The following TTC32 variants were observed in gnomAD, a reference collection of about 807,000 sequenced individuals.
TTC32 encodes the protein tetratricopeptide repeat domain 32.
In TTC32, 16 loss-of-function variants were observed where a neutral mutation model predicts 15.3. The observed-to-expected ratio is 1.05, with a 90% confidence interval of 0.71 to 1.59. The LOEUF is 1.59. Among genes scored for constraint, TTC32 ranks in the 40% most tolerant of loss-of-function variants. The pLI is 0.00. For synonymous variants in TTC32, 89 were observed against 67.8 expected (o/e 1.31, Z -1.53); for missense variants, 188 against 181.9 (o/e 1.03, Z -0.19).
intron 1 of TTC32, 35 bp from the exon 2 acceptor site, chr2:19,898,070 T>C (rs1298670071): frequency 1.4e-6 from 2 of 1,456,896 alleles, no homozygotes; most frequent in East Asian, 2.4e-5. Context: ...AAACACCGTG[T>C]TACCAAATTC....
chr2:19,901,527 G>A, intron 1 of TTC32, 179 bp downstream of exon 1: 2 of 769,936 alleles, frequency 2.6e-6, no homozygotes, highest in Non-Finnish European at 1.9e-6. Flanking sequence ...GTTCTCCGCC[G>A]CCCTCGTCCT....
chr2:19,898,987 T>C (rs1669555854), intron 1 of TTC32, among the ~76,000 whole-genome samples: 1 of 152,214 alleles, frequency 6.6e-6, no homozygotes, highest in African/African-American at 2.4e-5. Context: ...TAATACCCCG[T>C]AGTAAAAAGT....
Position 19,901,716 on chromosome 2 carries a change from T to G in TTC32, c.139A>C (p.Ser47Arg), listed in dbSNP as rs746394575. The change falls in exon 1 of 3, where the codon AGT becomes CGT. Residue 47 changes from serine (S) to arginine (R), a missense_variant. Transcript: ENST00000333610. ...TCTCGCGATAGTTACCTCCCGGGAC[T>G]CTCGTCGCTGGAGGCCGCGCAAGCG... The part of the protein sequence containing the change: ...RCACAASSDE[S>R]PGSKCSPEDL... The G allele has an allele frequency of 1.9e-5, 30 of 1,612,322 alleles. No individual in the cohort carries two copies. In the South Asian group the frequency reaches 2.6e-4, roughly 14 times the overall value.
At chr2:19,900,807 A>G (rs966026500) in intron 1 of TTC32, among the ~76,000 whole-genome samples, 3 of 152,258 alleles carry the variant, frequency 2.0e-5, no homozygotes, top group African/African-American at 7.2e-5. Context: ...CAATTGGATC[A>G]AACCTCAAGG....
chr2:19,901,753 G>GT lies in TTC32; in HGVS notation c.101dup (p.Tyr34Ter). The change falls in exon 1 of 3, where the codon TAC (tyrosine) becomes TAAC (stop). Residue 34 changes from tyrosine to a stop codon, truncating the protein, a stop_gained and frameshift_variant. Transcript: ENST00000333610. LOFTEE classifies it high-confidence loss of function. Reference sequence around the variant, plus strand: ...AGGCCGCGCAAGCGCACCGGCGAATGTAAGCGGAGTACAGTGCCTCGGCCT... The same window carrying GT: ...AGGCCGCGCAAGCGCACCGGCGAATGTTAAGCGGAGTACAGTGCCTCGGCCT... ...YAEAEALYSA[Y>*]IRRCACAASS... 1 of 1,613,768 alleles carries GT rather than the reference G, an allele frequency of 6.2e-7. No homozygotes were observed. Among genetic ancestry groups the GT allele is most frequent in the Non-Finnish European group, 8.5e-7 (1 of 1,179,770 alleles).
At chr2:19,899,524 A>G (rs1669567735) in intron 1 of TTC32, among the ~76,000 whole-genome samples, 1 of 152,028 alleles carries the variant, frequency 6.6e-6, no homozygotes, top group African/African-American at 2.4e-5. Context: ...ATTTTGTTTC[A>G]TATTTTAAAG....
At chr2:19,898,114 T>C in intron 1 of TTC32, 79 bp from the exon 2 acceptor site, 6 of 1,330,896 alleles carry the variant, frequency 4.5e-6, no homozygotes, top group Non-Finnish European at 6.0e-6. Flanking sequence ...TTTTGGGTAT[T>C]GTCAAACTTC....
chr2:19,897,797 TACA>T, intron 2 of TTC32, 69 bp downstream of exon 2: 34 of 1,256,326 alleles, frequency 2.7e-5, no homozygotes, highest in Non-Finnish European at 3.6e-5. Flanking sequence ...ACGTTAGTTT[TACA>T]ACATTTGAAA....
At chr2:19,900,738 T>C (rs1572292378) in intron 1 of TTC32, among the ~76,000 whole-genome samples, 1 of 152,234 alleles carries the variant, frequency 6.6e-6, no homozygotes, top group Non-Finnish European at 1.5e-5. Context: ...ATGTGCTTCC[T>C]GGTGAAAGTA....
chr2:19,898,697 G>A (rs1006315695), intron 1 of TTC32, among the ~76,000 whole-genome samples: 2 of 152,156 alleles, frequency 1.3e-5, no homozygotes, highest in African/African-American at 2.4e-5. Context: ...TGTCCTTTGT[G>A]CAGAACTGGC....
chr2:19,899,308 A>C (rs1005092062), intron 1 of TTC32, among the ~76,000 whole-genome samples: 1 of 152,214 alleles, frequency 6.6e-6, no homozygotes, highest in Non-Finnish European at 1.5e-5. Flanking sequence ...GTGACATGAC[A>C]CTAGTTGAAC....
At chr2:19,900,425 A>C (rs1669582528) in intron 1 of TTC32, among the ~76,000 whole-genome samples, 2 of 152,224 alleles carry the variant, frequency 1.3e-5, no homozygotes, top group African/African-American at 4.8e-5. Context: ...AGCGTAACAA[A>C]CAGGGTAAGA....
chr2:19,897,623 C>A (rs1669531415), intron 2 of TTC32, among the ~76,000 whole-genome samples: 2 of 152,184 alleles, frequency 1.3e-5, no homozygotes, highest in South Asian at 4.1e-4. Flanking sequence ...TGCACAAGCA[C>A]AAAGTAATGG....
chr2:19,901,577 C>A (rs961922966), intron 1 of TTC32, 129 bp downstream of exon 1: 4 of 1,281,024 alleles, frequency 3.1e-6, no homozygotes, highest in Non-Finnish European at 4.2e-6. Flanking sequence ...GAACGTCCGC[C>A]CGCTCAGTCC....
At chr2:19,899,049 T>C (rs1162302758) in intron 1 of TTC32, among the ~76,000 whole-genome samples, 1 of 152,208 alleles carries the variant, frequency 6.6e-6, no homozygotes, top group Non-Finnish European at 1.5e-5. Flanking sequence ...AAAAGCTACT[T>C]CTCTTAATAT....
Position 19,897,912 on chromosome 2 carries a change from A to G in TTC32, c.273T>C (p.Phe91=), listed in dbSNP as rs745881874. The G allele has an allele frequency of 4.3e-6, 7 of 1,611,992 alleles. No homozygotes were observed. The South Asian group carries it at 6.6e-5, about 15-fold the overall frequency. Residue 91 remains phenylalanine, a synonymous_variant, in exon 2 of 3, where the codon TTT becomes TTC. Transcript: ENST00000333610. ...YTSAIEVQPN[F]EVPYYNRGLI... is the part of the protein sequence containing the mutation. ...ACCCTCTGTTGTAATATGGAACTTC[A>G]AAATTGGGTTGGACTTCTATGGCAG...
chr2:19,901,643 C>G, intron 1 of TTC32, 63 bp downstream of exon 1: 1 of 1,565,426 alleles, frequency 6.4e-7, no homozygotes, highest in East Asian at 2.3e-5. Context: ...AGATAGGAGC[C>G]CAAACAACCC....
intron 1 of TTC32, chr2:19,898,600 C>T (rs1345510136): frequency 6.6e-6 from 1 of 152,256 alleles, no homozygotes; most frequent in African/African-American, 2.4e-5. Context: ...CCTCCAGCCT[C>T]AGCTGGCATC....
chr2:19,897,876 A>T lies in TTC32; in HGVS notation c.309T>A (p.Tyr103Ter). 6.3e-7 allele frequency: 1 copy of T among 1,589,172 alleles called. No individual in the cohort carries two copies. The highest frequency in any genetic ancestry group is 1.1e-5 in the South Asian group (1 of 87,590). Reference protein sequence around the residue: ...VPYYNRGLILYRLGYFDDALE... With the variant: ...VPYYNRGLIL ...AAGAAAAAAAATTCTTACCCAGCCT[A>T]TACAGTATCAACCCTCTGTTGTAAT... The change falls in exon 2 of 3, where the codon TAT becomes TAA. Residue 103 changes from tyrosine (Y) to a stop codon, truncating the protein, a stop_gained. Coordinates refer to ENST00000333610, the MANE Select transcript of TTC32 (RefSeq NM_001008237.3). LOFTEE classifies it high-confidence loss of function.
Sources: gnomAD v4.1 joint callset for allele counts (sites outside exome capture counted in the v4.1 genomes callset) on GRCh38, gnomAD v4.1.1 for gene constraint, MANE v1.5 for transcripts, NCBI Gene and HGNC (gene_info 2026-07-23, HGNC 2026-07-21) for gene names.